Variants in PSTPIP2 observed in about 807,000 individuals in gnomAD.
PSTPIP2 encodes the protein proline-serine-threonine phosphatase interacting protein 2, also known as proline-serine-threonine phosphatase-interacting protein 2.
In PSTPIP2, 33 loss-of-function variants were observed where a neutral mutation model predicts 63.3. That is an observed-to-expected ratio of 0.52 (90% CI 0.40 to 0.70). The LOEUF (loss-of-function observed/expected upper bound fraction) is 0.70. Among genes scored for constraint, PSTPIP2 ranks in the 30% least tolerant of loss-of-function variants. PSTPIP2 has a pLI of 0.00. For missense variants in PSTPIP2, 312 were observed against 400.7 expected, an observed-to-expected ratio of 0.78 and a Z score of 1.89; for synonymous variants, 125 against 132.7, an observed-to-expected ratio of 0.94 and a Z score of 0.40.
intron 14 of PSTPIP2, among the ~76,000 whole-genome samples, chr18:45,988,437 A>G (rs1265840729): frequency 6.6e-6 from 1 of 151,430 alleles, no homozygotes; most frequent in Admixed American, 6.6e-5. Context: ...TCTGCTTCGA[A>G]AAAAAAAAGC....
chr18:46,028,458 C>G (rs2144100201), intron 2 of PSTPIP2: 1 of 592,216 alleles, frequency 1.7e-6, no homozygotes. Context: ...AGAAGACAAA[C>G]CGGCCGTGGA....
intron 2 of PSTPIP2, among the ~76,000 whole-genome samples, chr18:46,032,919 G>T (rs1006449204): frequency 6.6e-6 from 1 of 152,156 alleles, no homozygotes; most frequent in Non-Finnish European, 1.5e-5. Context: ...AGAGTGAACT[G>T]AAAAGATGAA....
intron 9 of PSTPIP2, among the ~76,000 whole-genome samples, chr18:45,997,542 C>A (rs1254441457): frequency 6.6e-6 from 1 of 151,770 alleles, no homozygotes; most frequent in Non-Finnish European, 1.5e-5. Flanking sequence ...AGAATCCGGG[C>A]AGATCATTTC....
chr18:46,032,462 A>C (rs2144103727), intron 2 of PSTPIP2, among the ~76,000 whole-genome samples: 1 of 152,218 alleles, frequency 6.6e-6, no homozygotes, highest in Non-Finnish European at 1.5e-5. Context: ...CCCTTCAGCA[A>C]CCCATGACAG....
chr18:46,021,579 T>G (rs1907353400), intron 3 of PSTPIP2, among the ~76,000 whole-genome samples: 1 of 151,620 alleles, frequency 6.6e-6, no homozygotes, highest in South Asian at 2.1e-4. Context: ...TAGTATGAAC[T>G]CACACTTTTA....
intron 1 of PSTPIP2, among the ~76,000 whole-genome samples, chr18:46,062,598 C>G (rs1220687513): frequency 2.0e-5 from 3 of 152,012 alleles, no homozygotes; most frequent in African/African-American, 4.8e-5. Context: ...AGTCTCGGCT[C>G]ACTGCAACCT....
intron 6 of PSTPIP2, among the ~76,000 whole-genome samples, chr18:46,000,674 CT>C (rs1488728948): frequency 6.6e-6 from 1 of 152,160 alleles, no homozygotes; most frequent in African/African-American, 2.4e-5. Flanking sequence ...AGCCAGTGTT[CT>C]TTTTTTATTT....
intron 4 of PSTPIP2, among the ~76,000 whole-genome samples, chr18:46,015,003 G>A (rs934040096): frequency 2.0e-5 from 3 of 152,204 alleles, no homozygotes; most frequent in African/African-American, 7.2e-5. Context: ...GAAAGGGACA[G>A]AGAAGTAGCC....
At chr18:45,994,665 T>G (rs934438963) in intron 9 of PSTPIP2, among the ~76,000 whole-genome samples, 1 of 152,202 alleles carries the variant, frequency 6.6e-6, no homozygotes, top group Non-Finnish European at 1.5e-5. Flanking sequence ...GAGGTACAGA[T>G]AGTATGATGA....
At chr18:45,996,831 A>C (rs1163434589) in intron 9 of PSTPIP2, among the ~76,000 whole-genome samples, 1 of 152,060 alleles carries the variant, frequency 6.6e-6, no homozygotes, top group Non-Finnish European at 1.5e-5. Context: ...AGTCCCATCT[A>C]CTTCACTTGA....
rs2051769913 is a variant in PSTPIP2 at position 46,009,389 on chromosome 18, A to AAC, written c.354+1791_354+1792insGT. 2.1e-5 allele frequency among the ~76,000 whole-genome samples: 2 copies of AAC among 93,344 alleles called. 1 individual carries two copies. The highest frequency in any genetic ancestry group is 2.6e-4 in the Admixed American group (2 of 7,840). The allele number at this position is 93,344 out of a possible 152,430, so 61.2% of individuals were successfully genotyped here. ...AAAAAAAAAAAAAAAAAAAAAAAAA[A>AAC]AACCTAGCTAAATACGGAAGTGGTA... On this transcript the variant is annotated intron_variant, in intron 5 of 14. Coordinates refer to ENST00000409746, the MANE Select transcript of PSTPIP2 (RefSeq NM_024430.4).
At chr18:46,063,988 G>A (rs1909082358) in intron 1 of PSTPIP2, among the ~76,000 whole-genome samples, 1 of 152,174 alleles carries the variant, frequency 6.6e-6, no homozygotes, top group Non-Finnish European at 1.5e-5. Context: ...CAGTCATTCA[G>A]TAGGTATTAC....
chr18:46,028,256 T>C (rs911055573), intron 2 of PSTPIP2: 13 of 412,982 alleles, frequency 3.1e-5, no homozygotes, highest in South Asian at 2.6e-4. Flanking sequence ...AGGAGCCGAA[T>C]GAAACTGCAC....
intron 1 of PSTPIP2, among the ~76,000 whole-genome samples, chr18:46,068,337 G>A (rs374001520): frequency 2.4e-4 from 37 of 152,046 alleles, no homozygotes; most frequent in Non-Finnish European, 3.8e-4. Flanking sequence ...TCGCTCTGTC[G>A]CCCAGGCTGG....
chr18:46,030,872 C>T (rs1335981250), intron 2 of PSTPIP2, among the ~76,000 whole-genome samples: 3 of 152,116 alleles, frequency 2.0e-5, no homozygotes, highest in African/African-American at 7.2e-5. Flanking sequence ...GTACAGAAGC[C>T]TGGGGCCATC....
At chr18:46,062,753 G>A (rs1909036113) in intron 1 of PSTPIP2, among the ~76,000 whole-genome samples, 1 of 152,058 alleles carries the variant, frequency 6.6e-6, no homozygotes, top group Admixed American at 6.5e-5. Flanking sequence ...CTGACCTCGT[G>A]ATCCACCTGC....
chr18:46,017,536 C>T (rs1447574334), intron 3 of PSTPIP2, among the ~76,000 whole-genome samples: 1 of 152,082 alleles, frequency 6.6e-6, no homozygotes, highest in Admixed American at 6.6e-5. Context: ...ACCTTCTCAT[C>T]CTATTCTCCA....
intron 1 of PSTPIP2, among the ~76,000 whole-genome samples, chr18:46,064,282 C>CTTTTTTTTTTT (rs56236802): frequency 7.3e-4 from 52 of 71,542 alleles, no homozygotes; most frequent in East Asian, 1.3e-3. Context: ...CTTTTTCTTT[C>CTTTTTTTTTTT]TTTTTTTTTT....
intron 4 of PSTPIP2, among the ~76,000 whole-genome samples, chr18:46,013,190 G>C (rs1599714276): frequency 6.6e-6 from 1 of 152,222 alleles, no homozygotes; most frequent in Middle Eastern, 3.4e-3. Context: ...GTTTGACTTT[G>C]GGCCATGCCA....
Sources: allele counts gnomAD v4.1 joint callset (sites outside exome capture counted in the v4.1 genomes callset), GRCh38; gene constraint gnomAD v4.1.1; transcripts MANE v1.5; gene names NCBI Gene and HGNC (gene_info 2026-07-23, HGNC 2026-07-21).